MAP2K5: variants seen among roughly 807,000 people sequenced by gnomAD.
MAP2K5 encodes the protein mitogen-activated protein kinase kinase 5.
MAP2K5 carries 49 observed loss-of-function variants against 83.1 expected under a neutral mutation model. That is an observed-to-expected ratio of 0.59 (90% CI 0.47 to 0.75). MAP2K5 has a LOEUF of 0.75. Ranked by LOEUF, MAP2K5 falls within the 30% of genes least tolerant of loss-of-function variation. The pLI is 0.00. For synonymous variants in MAP2K5, 202 were observed against 191.8 expected (o/e 1.05, Z -0.44); for missense variants, 457 against 557.5 (o/e 0.82, Z 1.82).
chr15:67,754,222 T>G (rs1429580199), intron 19 of MAP2K5, among the ~76,000 whole-genome samples: 1 of 152,236 alleles, frequency 6.6e-6, no homozygotes, highest in Non-Finnish European at 1.5e-5. Context: ...GGTTTGTTAC[T>G]TTAAAAGGGT....
chr15:67,643,071 C>T (rs1596708344), intron 9 of MAP2K5, among the ~76,000 whole-genome samples: 1 of 152,068 alleles, frequency 6.6e-6, no homozygotes. Flanking sequence ...AAGGGATTCT[C>T]ATTCCATTGT....
intron 8 of MAP2K5, among the ~76,000 whole-genome samples, 155 bp from the exon 9 acceptor site, chr15:67,630,733 T>G (rs2086453295): frequency 1.3e-5 from 2 of 152,266 alleles, no homozygotes; most frequent in South Asian, 2.1e-4. Context: ...ACCATTAAGC[T>G]CCATATAAAT....
intron 13 of MAP2K5, among the ~76,000 whole-genome samples, chr15:67,666,312 T>G (rs185575280): frequency 6.6e-6 from 1 of 152,344 alleles, no homozygotes; most frequent in East Asian, 1.9e-4. Context: ...TTGATTTTTC[T>G]TCTTTAAAAT....
chr15:67,693,750 C>G (rs893056783), intron 15 of MAP2K5, among the ~76,000 whole-genome samples, 182 bp downstream of exon 15: 1 of 152,136 alleles, frequency 6.6e-6, no homozygotes, highest in Non-Finnish European at 1.5e-5. Context: ...TTTACAGGAG[C>G]TATCAACTTA....
chr15:67,592,801 A>G, intron 6 of MAP2K5, 125 bp from the exon 7 acceptor site: 5 of 669,634 alleles, frequency 7.5e-6, no homozygotes, highest in Non-Finnish European at 1.3e-5. Context: ...TTACATTGGG[A>G]GAAGGATGTG....
Position 67,615,388 on chromosome 15 carries a change from T to A in MAP2K5, c.545+14639T>A, listed in dbSNP as rs530474482. Among the ~76,000 whole-genome samples the A allele has an allele frequency of 1.6e-4, 24 of 152,350 alleles. 1 individual carries two copies. In the South Asian group the frequency reaches 5.0e-3, roughly 32 times the overall value. On this transcript the variant is annotated intron_variant, in intron 8 of 21. Coordinates refer to ENST00000178640, the MANE Select transcript of MAP2K5 (RefSeq NM_145160.3). ...AAGAAGGTTGGCAAAGACTGCTATT[T>A]GAACTAGTATAGTTTACATAAAAGC...
chr15:67,553,176 G>A (rs1019119184), intron 2 of MAP2K5, among the ~76,000 whole-genome samples: 2 of 152,264 alleles, frequency 1.3e-5, no homozygotes, highest in African/African-American at 4.8e-5. Context: ...AATTATACCT[G>A]TGAGGAAACG....
Position 67,760,343 on chromosome 15 carries a change from T to G in MAP2K5, c.1135-9259T>G, listed in dbSNP as rs184800669. On this transcript the variant is annotated intron_variant, in intron 19 of 21. Coordinates refer to ENST00000178640, the MANE Select transcript of MAP2K5 (RefSeq NM_145160.3). This position sits in a 1 kb window ranked among gnomAD's most constrained non-coding sequence, Gnocchi z 4.1. ...AGAAGAAACAAGTTATAAGAAAATT[T>G]TTTCCTCATAGTCTGAAGGATGTAC... Among the ~76,000 whole-genome samples the G allele has an allele frequency of 4.1e-4, 62 of 152,318 alleles. No homozygotes were observed. Among genetic ancestry groups the G allele is most frequent in the African/African-American group, 1.4e-3 (60 of 41,580 alleles).
intron 17 of MAP2K5, among the ~76,000 whole-genome samples, chr15:67,728,193 GT>G (rs113899908): frequency 0.017 from 2,618 of 151,890 alleles, 88 homozygotes; most frequent in African/African-American, 0.06. Flanking sequence ...ATTCGGGATT[GT>G]TTTTTTTCCT....
intron 9 of MAP2K5, among the ~76,000 whole-genome samples, chr15:67,643,355 A>G (rs745315367): frequency 2.0e-5 from 3 of 152,222 alleles, no homozygotes; most frequent in African/African-American, 4.8e-5. Flanking sequence ...GCAAGTGACT[A>G]TTGATCAGGA....
intron 9 of MAP2K5, 32 bp downstream of exon 9, chr15:67,630,959 G>T (rs1335691440): frequency 1.3e-6 from 2 of 1,517,414 alleles, no homozygotes; most frequent in Admixed American, 3.5e-5. Flanking sequence ...TGAAATTCTT[G>T]ATGTTCACCT....
chr15:67,625,933 G>A (rs1203115533), intron 8 of MAP2K5, among the ~76,000 whole-genome samples: 1 of 152,156 alleles, frequency 6.6e-6, no homozygotes, highest in Admixed American at 6.5e-5. Flanking sequence ...AGTATGGTAT[G>A]TATATTAGAC....
rs148103278 is a variant in MAP2K5 at position 67,786,563 on chromosome 15, G to A, written c.1242+13811G>A. On this transcript the variant is annotated intron_variant, in intron 21 of 21. Coordinates refer to ENST00000178640, the MANE Select transcript of MAP2K5 (RefSeq NM_145160.3). The surrounding 1 kb of genome is among the most constrained non-coding windows in gnomAD (Gnocchi z 4.7). ...TAGATGAGTGCCAAGCTGCTGGCTT[G>A]GGTGGTGCGGGAGCTCGGAACAGTG... 2.8e-3 allele frequency among the ~76,000 whole-genome samples: 428 copies of A among 152,324 alleles called. 2 individuals carry two copies. The highest frequency in any genetic ancestry group is 0.01 in the African/African-American group (416 of 41,568).
In MAP2K5 at chr15:67,755,220, C is replaced by T. The variant is rs1392217342; in HGVS notation, c.1134+6619C>T. 1.3e-5 allele frequency among the ~76,000 whole-genome samples: 2 copies of T among 152,096 alleles called. No individual in the cohort carries two copies. Among genetic ancestry groups the T allele is most frequent in the Admixed American group, 6.5e-5 (1 of 15,270 alleles). On this transcript the variant is annotated intron_variant, in intron 19 of 21. Coordinates refer to ENST00000178640, the MANE Select transcript of MAP2K5 (RefSeq NM_145160.3). The surrounding 1 kb of genome is among the most constrained non-coding windows in gnomAD (Gnocchi z 4.7). ...TCTCAAACTCCTGACCTCAAGTGAT[C>T]GCCCGCCTCAGCCTCCCAAAGTGCT... is the stretch of plus-strand genomic sequence containing the variant.
intron 17 of MAP2K5, among the ~76,000 whole-genome samples, chr15:67,729,958 C>A (rs944407193): frequency 6.6e-6 from 1 of 152,180 alleles, no homozygotes; most frequent in Non-Finnish European, 1.5e-5. Flanking sequence ...TAGCAACAAC[C>A]TTTATACCAG....
At chr15:67,791,359 T>G (rs1238759525) in intron 21 of MAP2K5, among the ~76,000 whole-genome samples, 5 of 152,230 alleles carry the variant, frequency 3.3e-5, no homozygotes, top group Admixed American at 3.3e-4. Flanking sequence ...GGGCTTGTTT[T>G]GACCACTTGT....
chr15:67,748,196 T>C lies in MAP2K5; in HGVS notation c.1075-35T>C, dbSNP rs780596935. The C allele has an allele frequency of 1.9e-6, 3 of 1,539,944 alleles. No individual in the cohort carries two copies. ...AATGTGTCCAAGTGAGTCATTTTGA[T>C]TATGACATGCTAATTACATATTGCC... On this transcript the variant is annotated intron_variant, in intron 17 of 21. Coordinates refer to ENST00000178640, the MANE Select transcript of MAP2K5 (RefSeq NM_145160.3). The surrounding 1 kb of genome is among the most constrained non-coding windows in gnomAD (Gnocchi z 4.0).
intron 8 of MAP2K5, among the ~76,000 whole-genome samples, chr15:67,627,606 T>C (rs1486755979): frequency 2.0e-5 from 3 of 152,230 alleles, no homozygotes; most frequent in East Asian, 3.8e-4. Context: ...GTAAACGATA[T>C]TACAAATACC....
chr15:67,758,751 T>C lies in MAP2K5; in HGVS notation c.1134+10150T>C, dbSNP rs546721101. On this transcript the variant is annotated intron_variant, in intron 19 of 21. Transcript: ENST00000178640. The surrounding 1 kb of genome is among the most constrained non-coding windows in gnomAD (Gnocchi z 4.7). ...CCTTTGTGGTTTACACAGTGTTTCC[T>C]GTCACATTCTTTCCCCACAACACTC... 1.0e-3 allele frequency among the ~76,000 whole-genome samples: 154 copies of C among 152,328 alleles called. No homozygotes were observed. Among genetic ancestry groups the C allele is most frequent in the Non-Finnish European group, 2.1e-3 (141 of 68,032 alleles).
Sources: gnomAD v4.1 joint callset for allele counts (sites outside exome capture counted in the v4.1 genomes callset) on GRCh38, gnomAD v4.1.1 for gene constraint, Gnocchi (gnomAD v3.1) non-coding constraint, MANE v1.5 for transcripts, NCBI Gene and HGNC (gene_info 2026-07-23, HGNC 2026-07-21) for gene names.